Variants in LIMCH1 observed in about 807,000 individuals in gnomAD.
The protein encoded by LIMCH1 is LIM and calponin homology domains 1.
LIMCH1 carries 113 observed loss-of-function variants against 176.5 expected under a neutral mutation model. That is an observed-to-expected ratio of 0.64 (90% CI 0.55 to 0.75). The LOEUF (loss-of-function observed/expected upper bound fraction) is 0.75. LIMCH1 is among the 30% of genes least tolerant of loss of function. The pLI is 0.00. For synonymous variants in LIMCH1, 619 were observed against 645.9 expected, an observed-to-expected ratio of 0.96 and a Z score of 0.63; for missense variants, 1,674 against 1,814.9, an observed-to-expected ratio of 0.92 and a Z score of 1.41.
Position 41,570,040 on chromosome 4 carries a change from C to T in LIMCH1, c.-240-28880C>T, listed in dbSNP as rs941843137. 2.0e-5 allele frequency among the ~76,000 whole-genome samples: 3 copies of T among 152,316 alleles called. No individual in the cohort carries two copies. The East Asian group carries it at 5.8e-4, about 29-fold the overall frequency. On this transcript the variant is annotated intron_variant, in intron 1 of 31. Coordinates refer to ENST00000503057, the MANE Select transcript of LIMCH1 (RefSeq NM_001330672.2). ...CTGAGGGTCTGCCCAGCATGAACCA[C>T]ATGTTTGCAGAATGGTTGGTGGACA... is the stretch of plus-strand genomic sequence containing the variant.
intron 1 of LIMCH1, among the ~76,000 whole-genome samples, chr4:41,593,809 A>C (rs1200335207): frequency 1.3e-5 from 2 of 152,234 alleles, no homozygotes; most frequent in Non-Finnish European, 1.5e-5. Flanking sequence ...AAGGCCTAAA[A>C]GATTTACTAT....
At chr4:41,362,482 T>C (rs1455966139) in intron 1 of LIMCH1, among the ~76,000 whole-genome samples, 1 of 152,196 alleles carries the variant, frequency 6.6e-6, no homozygotes, top group Admixed American at 6.5e-5. Context: ...TTTCAGGTTC[T>C]TGAACTCTAA....
At chr4:41,644,687 G>T in intron 15 of LIMCH1, 61 bp downstream of exon 15, 1 of 1,559,192 alleles carries the variant, frequency 6.4e-7, no homozygotes, top group Non-Finnish European at 8.7e-7. Context: ...AAATCCAGCC[G>T]GGTGGGTAGA....
intron 20 of LIMCH1, among the ~76,000 whole-genome samples, chr4:41,666,304 T>A (rs565727056): frequency 4.6e-5 from 7 of 152,340 alleles, no homozygotes; most frequent in African/African-American, 1.7e-4. Context: ...TGTAATATTG[T>A]CTTCTGGTTT....
intron 14 of LIMCH1, among the ~76,000 whole-genome samples, chr4:41,639,496 C>T (rs1300804146): frequency 6.6e-6 from 1 of 152,164 alleles, no homozygotes; most frequent in Non-Finnish European, 1.5e-5. Flanking sequence ...GCTCAAGTCC[C>T]ATGGCTTAGC....
intron 1 of LIMCH1, among the ~76,000 whole-genome samples, chr4:41,477,407 C>A (rs1049916906): frequency 2.0e-5 from 3 of 152,160 alleles, no homozygotes; most frequent in African/African-American, 7.2e-5. Flanking sequence ...GTGTTCCCCC[C>A]ACCATGACAA....
chr4:41,567,541 A>G (rs2082934349), intron 1 of LIMCH1, among the ~76,000 whole-genome samples: 1 of 152,136 alleles, frequency 6.6e-6, no homozygotes, highest in African/African-American at 2.4e-5. Context: ...ACTTTTAACT[A>G]CCTACTTAGG....
chr4:41,680,926 C>T (rs760728028), intron 24 of LIMCH1, 29 bp from the exon 25 acceptor site: 2 of 1,237,712 alleles, frequency 1.6e-6, no homozygotes, highest in Non-Finnish European at 2.3e-6. Context: ...ATTTTCCCCC[C>T]TTTCATCGAT....
chr4:41,360,477 G>C (rs1043003894), upstream of LIMCH1, among the ~76,000 whole-genome samples: 5 of 152,146 alleles, frequency 3.3e-5, no homozygotes, highest in African/African-American at 1.2e-4. The surrounding 1 kb of genome is among the most constrained non-coding windows in gnomAD (Gnocchi z 4.5). Context: ...CCCTCTATCG[G>C]GCCGGGTGTG....
Position 41,565,384 on chromosome 4 carries a change from T to TACACACAC in LIMCH1, c.-241+27040_-241+27047dup, listed in dbSNP as rs897890089. On this transcript the variant is annotated intron_variant, in intron 1 of 31. Coordinates refer to ENST00000503057, the MANE Select transcript of LIMCH1 (RefSeq NM_001330672.2). Reference sequence around the variant, plus strand: ...ACACACACACACACACACACACACATACACACACACACAGACACACACACA... The same window carrying TACACACAC: ...ACACACACACACACACACACACACATACACACACACACACACACACAGACACACACACA... Among the ~76,000 whole-genome samples the TACACACAC allele has an allele frequency of 3.3e-3, 326 of 100,294 alleles. 3 individuals are homozygous for TACACACAC. Among genetic ancestry groups the TACACACAC allele is most frequent in the African/African-American group, 0.015 (307 of 19,990 alleles). 65.8% of individuals were successfully genotyped at this position (100,294 alleles called of 152,430 possible).
chr4:41,525,691 G>C (rs1027554719), intron 3 of LIMCH1, among the ~76,000 whole-genome samples: 2 of 151,842 alleles, frequency 1.3e-5, no homozygotes, highest in Non-Finnish European at 2.9e-5. Flanking sequence ...ACATATATTT[G>C]GAAGGAATAT....
intron 1 of LIMCH1, among the ~76,000 whole-genome samples, chr4:41,598,704 C>T (rs764209408): frequency 2.7e-4 from 41 of 152,012 alleles, no homozygotes; most frequent in Admixed American, 1.8e-3. Flanking sequence ...GTCAAGCTAA[C>T]GGGAAAAAAT....
intron 1 of LIMCH1, among the ~76,000 whole-genome samples, chr4:41,461,528 T>C (rs979352917): frequency 2.0e-5 from 3 of 152,228 alleles, no homozygotes; most frequent in African/African-American, 7.2e-5. Flanking sequence ...GTTTGATACC[T>C]AATTTTGGCC....
intron 2 of LIMCH1, among the ~76,000 whole-genome samples, chr4:41,518,815 T>C (rs1057040448): frequency 6.6e-6 from 1 of 152,180 alleles, no homozygotes; most frequent in Non-Finnish European, 1.5e-5. Context: ...CTCCCACTTA[T>C]AAGTGAGAAT....
chr4:41,419,692 CTTCCTTCCT>C (rs1413183149), intron 1 of LIMCH1, among the ~76,000 whole-genome samples: 13 of 90,634 alleles, frequency 1.4e-4, no homozygotes, highest in South Asian at 4.6e-4. Context: ...TCCTTCCTTC[CTTCCTTCCT>C]TCCTTCCTTC....
At chr4:41,529,205 A>G (rs990694712) in intron 3 of LIMCH1, among the ~76,000 whole-genome samples, 1 of 152,226 alleles carries the variant, frequency 6.6e-6, no homozygotes, top group Non-Finnish European at 1.5e-5. Flanking sequence ...ATCAGAGATC[A>G]TGCTAAATGT....
chr4:41,682,039 A>G (rs918432930), intron 25 of LIMCH1, among the ~76,000 whole-genome samples: 25 of 152,216 alleles, frequency 1.6e-4, no homozygotes, highest in Non-Finnish European at 1.5e-5. Flanking sequence ...AAGGAAAATA[A>G]CCTGTGGATA....
intron 1 of LIMCH1, among the ~76,000 whole-genome samples, chr4:41,469,785 A>C (rs2066683779): frequency 6.6e-6 from 1 of 151,750 alleles, no homozygotes; most frequent in Non-Finnish European, 1.5e-5. Flanking sequence ...GGGTTCAAGC[A>C]ATTCTCCTGC....
chr4:41,612,183 GT>G (rs1325464869), intron 4 of LIMCH1, among the ~76,000 whole-genome samples: 2 of 152,120 alleles, frequency 1.3e-5, no homozygotes, highest in Admixed American at 6.6e-5. Flanking sequence ...CAGCCACTCT[GT>G]CCCCCGCAAA....
Sources: gnomAD v4.1 joint callset for allele counts (sites outside exome capture counted in the v4.1 genomes callset) on GRCh38, gnomAD v4.1.1 for gene constraint, Gnocchi (gnomAD v3.1) non-coding constraint, MANE v1.5 for transcripts, NCBI Gene and HGNC (gene_info 2026-07-23, HGNC 2026-07-21) for gene names.